Variants in DERA observed in about 807,000 individuals in gnomAD.
The protein encoded by DERA is deoxyribose-phosphate aldolase, also known as 2-deoxy-D-ribose 5-phosphate aldolase.
A neutral mutation model predicts 41.1 loss-of-function variants in DERA; 15 were observed. The observed-to-expected ratio is 0.37, with a 90% CI of 0.24 to 0.56. DERA has a LOEUF of 0.56. Ranked by LOEUF, DERA falls within the 20% of genes least tolerant of loss-of-function variation. The pLI, the probability that DERA is intolerant of heterozygous loss-of-function variation, is 0.81. For synonymous variants in DERA, 139 were observed against 137.4 expected (o/e 1.01, Z -0.08); for missense variants, 396 against 403.4 (o/e 0.98, Z 0.16).
At chr12:15,923,916 A>G (rs1024206127) in intron 1 of DERA, among the ~76,000 whole-genome samples, 6 of 151,922 alleles carry the variant, frequency 3.9e-5, no homozygotes, top group African/African-American at 1.5e-4. Context: ...TTCATCTCCA[A>G]TTTGCTTTTC....
Position 15,970,350 on chromosome 12 carries a change from G to T in DERA, c.508+7403G>T, listed in dbSNP as rs1948651435. ...AAATATACTTTATGACTTTTAGATAGGAAACAGTCTTTAAACGCTTGGATT... is the reference window on the plus strand; with the variant it reads ...AAATATACTTTATGACTTTTAGATATGAAACAGTCTTTAAACGCTTGGATT... On this transcript the variant is annotated intron_variant, in intron 5 of 8. Coordinates refer to ENST00000428559, the MANE Select transcript of DERA (RefSeq NM_015954.4). The surrounding 1 kb of genome is among the most constrained non-coding windows in gnomAD (Gnocchi z 4.3). Among the ~76,000 whole-genome samples, 1 of 152,118 alleles carries T rather than the reference G, an allele frequency of 6.6e-6. No homozygotes were observed. The highest frequency in any genetic ancestry group is 2.4e-5 in the African/African-American group (1 of 41,426).
chr12:15,975,699 A>C (rs1372694470), intron 5 of DERA, among the ~76,000 whole-genome samples: 1 of 152,282 alleles, frequency 6.6e-6, no homozygotes, highest in Non-Finnish European at 1.5e-5. Flanking sequence ...CAGTTAAGTT[A>C]GATCTCTTTT....
chr12:15,919,037 T>A lies in DERA; in HGVS notation c.31+7623T>A, dbSNP rs182027667. Among the ~76,000 whole-genome samples, 32 of 152,328 alleles carry A rather than the reference T, an allele frequency of 2.1e-4. 1 individual carries two copies. The highest frequency in any genetic ancestry group is 6.5e-4 in the African/African-American group (27 of 41,560). On this transcript the variant is annotated intron_variant, in intron 1 of 8. Coordinates refer to ENST00000428559, the MANE Select transcript of DERA (RefSeq NM_015954.4). ...AATACATACACAGAGTCAATAATTA[T>A]GTACATTTTAGATTTTAACTGGGGC...
chr12:16,029,706 A>G (rs1949077921), intron 6 of DERA, among the ~76,000 whole-genome samples: 1 of 152,032 alleles, frequency 6.6e-6, no homozygotes, highest in African/African-American at 2.4e-5. Flanking sequence ...AGGGGCATAG[A>G]CATGCAAATA....
intron 1 of DERA, among the ~76,000 whole-genome samples, chr12:15,956,270 G>T (rs1948537595): frequency 6.6e-6 from 1 of 152,346 alleles, no homozygotes; most frequent in East Asian, 1.9e-4. Context: ...AACTGGAAGA[G>T]AAGAGAGAGT....
At chr12:15,914,853 G>A (rs1948188668) in intron 1 of DERA, among the ~76,000 whole-genome samples, 1 of 152,126 alleles carries the variant, frequency 6.6e-6, no homozygotes, top group Non-Finnish European at 1.5e-5. Flanking sequence ...TTGGCTCACT[G>A]CAACCTCCGT....
chr12:16,004,150 T>G lies in DERA; in HGVS notation c.637+21714T>G, dbSNP rs1948894171. 6.6e-6 allele frequency among the ~76,000 whole-genome samples: 1 copy of G among 152,226 alleles called. No individual in the cohort carries two copies. Among genetic ancestry groups the G allele is most frequent in the Non-Finnish European group, 1.5e-5 (1 of 68,044 alleles). On this transcript the variant is annotated intron_variant, in intron 6 of 8. Transcript: ENST00000428559. This position sits in a 1 kb window ranked among gnomAD's most constrained non-coding sequence, Gnocchi z 4.2. ...CTATTTCTAGGTTGGAGAATGGCAT[T>G]ACTAAACTGCTCAATTTAATAATTA... is the stretch of plus-strand genomic sequence containing the variant.
At position 15,942,781 on chromosome 12, in the gene DERA, G is replaced by A. The variant is rs761457235; in HGVS notation, c.32-14155G>A. Reference sequence around the variant, plus strand: ...ACTATTCACTGCACCGGGCTCTCACGTGCTGTGCGACATTGCTGGAGACCG... The same window carrying A: ...ACTATTCACTGCACCGGGCTCTCACATGCTGTGCGACATTGCTGGAGACCG... On this transcript the variant is annotated intron_variant, in intron 1 of 8. Coordinates refer to ENST00000428559, the MANE Select transcript of DERA (RefSeq NM_015954.4). 3.3e-5 allele frequency among the ~76,000 whole-genome samples: 5 copies of A among 152,198 alleles called. 1 individual carries two copies. The highest frequency in any genetic ancestry group is 9.7e-5 in the African/African-American group (4 of 41,450).
In DERA at chr12:15,966,235, G is replaced by A. The variant is rs569884075; in HGVS notation, c.508+3288G>A. The stretch of plus-strand genomic sequence containing the variant: ...CCGCAGCAACGCTCTGGAGTGAGGC[G>A]TCCTCCTCACTTGAGGTTGGGAGTT... On this transcript the variant is annotated intron_variant, in intron 5 of 8. Transcript: ENST00000428559. The surrounding 1 kb of genome is among the most constrained non-coding windows in gnomAD (Gnocchi z 5.1). 1.5e-4 allele frequency among the ~76,000 whole-genome samples: 23 copies of A among 152,250 alleles called. No homozygotes were observed. Among genetic ancestry groups the A allele is most frequent in the Non-Finnish European group, 3.1e-4 (21 of 68,020 alleles).
intron 5 of DERA, among the ~76,000 whole-genome samples, chr12:15,979,429 T>C (rs1019008721): frequency 6.6e-6 from 1 of 152,238 alleles, no homozygotes; most frequent in Admixed American, 6.5e-5. Flanking sequence ...TATTCTTTCA[T>C]CTTTGCCTCA....
chr12:15,949,010 G>A (rs911357091), intron 1 of DERA, among the ~76,000 whole-genome samples: 6 of 152,168 alleles, frequency 3.9e-5, no homozygotes, highest in East Asian at 3.9e-4. Flanking sequence ...GCTGCAGAAC[G>A]GCGAATATTG....
chr12:15,998,696 T>A lies in DERA; in HGVS notation c.637+16260T>A, dbSNP rs11836729. On this transcript the variant is annotated intron_variant, in intron 6 of 8. Transcript: ENST00000428559. This position sits in a 1 kb window ranked among gnomAD's most constrained non-coding sequence, Gnocchi z 4.8. ...TTCAGATTCTGAGGTAGGAAGCACC[T>A]TTAGCATAGGCAGTCCACAGTTAAC... Among the ~76,000 whole-genome samples, 1 of 152,148 alleles carries A rather than the reference T, an allele frequency of 6.6e-6. No homozygotes were observed. The highest frequency in any genetic ancestry group is 2.4e-5 in the African/African-American group (1 of 41,410).
At position 15,954,349 on chromosome 12, in the gene DERA, C is replaced by T. The variant is rs968737975; in HGVS notation, c.32-2587C>T. 6.6e-6 allele frequency among the ~76,000 whole-genome samples: 1 copy of T among 152,062 alleles called. No homozygotes were observed. Among genetic ancestry groups the T allele is most frequent in the African/African-American group, 2.4e-5 (1 of 41,382 alleles). ...TTTTGGGGACATAAACATTTGGACACATCAGTGGCATTCTGAGTGAAGGGG... is the reference window on the plus strand; with the variant it reads ...TTTTGGGGACATAAACATTTGGACATATCAGTGGCATTCTGAGTGAAGGGG... On this transcript the variant is annotated intron_variant, in intron 1 of 8. Transcript: ENST00000428559. This position sits in a 1 kb window ranked among gnomAD's most constrained non-coding sequence, Gnocchi z 4.0.
chr12:15,984,665 A>C lies in DERA; in HGVS notation c.637+2229A>C, dbSNP rs963001821. Among the ~76,000 whole-genome samples, 4 of 152,058 alleles carry C rather than the reference A, an allele frequency of 2.6e-5. No homozygotes were observed. Among genetic ancestry groups the C allele is most frequent in the African/African-American group, 7.2e-5 (3 of 41,400 alleles). ...CTGGCTCCAGATTTATTGCTTTTTC[A>C]CTTGTAACATGGCTATTTCCCAAGG... On this transcript the variant is annotated intron_variant, in intron 6 of 8. Coordinates refer to ENST00000428559, the MANE Select transcript of DERA (RefSeq NM_015954.4). This position sits in a 1 kb window ranked among gnomAD's most constrained non-coding sequence, Gnocchi z 4.5.
At position 16,027,045 on chromosome 12, in the gene DERA, A is replaced by G. The variant is rs575764489; in HGVS notation, c.638-5497A>G. Among the ~76,000 whole-genome samples, 279 of 152,298 alleles carry G rather than the reference A, an allele frequency of 1.8e-3. 1 individual carries two copies. Among genetic ancestry groups the G allele is most frequent in the African/African-American group, 6.1e-3 (254 of 41,570 alleles). On this transcript the variant is annotated intron_variant, in intron 6 of 8. Transcript: ENST00000428559. ...CAGTAAGCCAAAGAAGAAAAATCATATGATTATATCAATTGATACTGACAA... is the reference window on the plus strand; with the variant it reads ...CAGTAAGCCAAAGAAGAAAAATCATGTGATTATATCAATTGATACTGACAA...
rs1388837910 is a variant in DERA at position 15,954,468 on chromosome 12, G to A, written c.32-2468G>A. Among the ~76,000 whole-genome samples, 2 of 152,172 alleles carry A rather than the reference G, an allele frequency of 1.3e-5. No individual in the cohort carries two copies. The highest frequency in any genetic ancestry group is 1.5e-5 in the Non-Finnish European group (1 of 68,028). ...GGTTCAGGGAAGGCTCCCAGAGAAG[G>A]TGACATTTGAATCGACTCTTAAAGG... is the stretch of plus-strand genomic sequence containing the variant. On this transcript the variant is annotated intron_variant, in intron 1 of 8. Coordinates refer to ENST00000428559, the MANE Select transcript of DERA (RefSeq NM_015954.4). The surrounding 1 kb of genome is among the most constrained non-coding windows in gnomAD (Gnocchi z 4.0).
intron 1 of DERA, among the ~76,000 whole-genome samples, chr12:15,930,018 A>G (rs890551972): frequency 1.3e-5 from 2 of 152,202 alleles, no homozygotes; most frequent in Non-Finnish European, 2.9e-5. Flanking sequence ...TAAGTAAAAA[A>G]TAGTGAATAA....
At chr12:15,942,567 T>A (rs944442484) in intron 1 of DERA, among the ~76,000 whole-genome samples, 16 of 152,214 alleles carry the variant, frequency 1.1e-4, no homozygotes, top group Non-Finnish European at 2.2e-4. Flanking sequence ...CAATTTCATT[T>A]TTATACATCT....
chr12:15,945,032 A>G (rs934719186), intron 1 of DERA, among the ~76,000 whole-genome samples: 1 of 152,212 alleles, frequency 6.6e-6, no homozygotes, highest in Non-Finnish European at 1.5e-5. Context: ...CAAAGATTAG[A>G]TGATTGTAGA....
Sources: allele counts gnomAD v4.1 joint callset (sites outside exome capture counted in the v4.1 genomes callset), GRCh38; gene constraint gnomAD v4.1.1; non-coding constraint Gnocchi (gnomAD v3.1); transcripts MANE v1.5; gene names NCBI Gene and HGNC (gene_info 2026-07-23, HGNC 2026-07-21).